The following ZNF709 variants were observed in gnomAD, a reference collection of about 807,000 sequenced individuals.
ZNF709 encodes zinc finger protein 709.
A neutral mutation model predicts 10.6 loss-of-function variants in ZNF709; 15 were observed. The ratio of observed to expected loss-of-function variants is 1.41; its 90% confidence interval spans 0.95 to 2.18. The LOEUF is 2.18. ZNF709 is among the 30% of genes most tolerant of loss of function. The probability of loss-of-function intolerance (pLI) is 0.00; values close to 1 mark genes in which losing one functional copy is unlikely to be tolerated. For missense variants in ZNF709, 589 were observed against 774.0 expected (o/e 0.76, Z 2.84); for synonymous variants, 194 against 238.8 (o/e 0.81, Z 1.73).
intron 1 of ZNF709, among the ~76,000 whole-genome samples, chr19:12,483,891 ACT>A (rs34578588): frequency 0.36 from 54,678 of 151,776 alleles, 11,873 homozygotes; most frequent in Non-Finnish European, 0.49. Context: ...CAAAAAGGAG[ACT>A]CAACCCAAAG....
intron 1 of ZNF709, among the ~76,000 whole-genome samples, chr19:12,471,347 T>C (rs891987536): frequency 2.6e-5 from 4 of 152,154 alleles, no homozygotes; most frequent in African/African-American, 9.7e-5. Context: ...AAACTCAGTG[T>C]CAACAAGATG....
At chr19:12,479,171 C>T (rs1599636042) in intron 1 of ZNF709, among the ~76,000 whole-genome samples, 1 of 152,034 alleles carries the variant, frequency 6.6e-6, no homozygotes, top group African/African-American at 2.4e-5. Context: ...GGAGTGGCAG[C>T]ACACACCTGT....
chr19:12,477,385 A>G (rs1418074626), intron 1 of ZNF709, among the ~76,000 whole-genome samples: 2 of 152,186 alleles, frequency 1.3e-5, no homozygotes, highest in East Asian at 3.8e-4. Context: ...TAAGTGCCAA[A>G]GATTTAATTT....
chr19:12,483,753 G>A (rs1022587755), intron 1 of ZNF709, among the ~76,000 whole-genome samples: 1 of 152,052 alleles, frequency 6.6e-6, no homozygotes, highest in African/African-American at 2.4e-5. Context: ...TGGCTGGGCT[G>A]TAGGTCTCCT....
At position 12,466,470 on chromosome 19, in the gene ZNF709, T is replaced by C. The variant is rs1970571677; in HGVS notation, c.180A>G (p.Arg60=). 6.2e-7 allele frequency: 1 copy of C among 1,613,906 alleles called. No homozygotes were observed. Among genetic ancestry groups the C allele is most frequent in the Admixed American group, 1.7e-5 (1 of 60,000 alleles). Residue 60 remains arginine (R), a synonymous_variant, in exon 3 of 4, where the codon AGA becomes AGG. Coordinates refer to ENST00000397732, the MANE Select transcript of ZNF709 (RefSeq NM_152601.4). ...TTGTAAGTACAACTCACCTTAGCTT[T>C]CTCCCCTGATTTTTGTGATCTTCAA... is the stretch of plus-strand genomic sequence containing the variant. The part of the protein sequence containing the change: ...KNIEDHKNQG[R]KLRSHMVERL...
Position 12,484,686 on chromosome 19 carries a change from C to A in ZNF709, c.-29G>T, listed in dbSNP as rs751920773. 43 of 1,613,780 alleles carry A rather than the reference C, an allele frequency of 2.7e-5. No homozygotes were observed. Among genetic ancestry groups the A allele is most frequent in the Non-Finnish European group, 3.6e-5 (42 of 1,179,932 alleles). ...CCAGACTCTGGGATGTCCTGGTGTTCTGTTTACCTCTCCCGCGGCCAGCAC... is the reference window on the plus strand; with the variant it reads ...CCAGACTCTGGGATGTCCTGGTGTTATGTTTACCTCTCCCGCGGCCAGCAC... On this transcript the variant is annotated 5_prime_UTR_variant, in exon 1 of 4. Coordinates refer to ENST00000397732, the MANE Select transcript of ZNF709 (RefSeq NM_152601.4).
At chr19:12,481,505 G>A (rs376182317) in intron 1 of ZNF709, among the ~76,000 whole-genome samples, 6 of 152,126 alleles carry the variant, frequency 3.9e-5, no homozygotes, top group South Asian at 4.1e-4. Context: ...CTCCCAAAGC[G>A]CTGAAATTAC....
At position 12,461,595 on chromosome 19, in the gene ZNF709, T is replaced by A. The variant is rs2144980671; in HGVS notation, c.*2401A>T. 1 of 152,280 alleles carries A rather than the reference T, an allele frequency of 6.6e-6. No homozygotes were observed. The highest frequency in any genetic ancestry group is 2.1e-4 in the South Asian group (1 of 4,834). The allele number at this position is 152,280 out of a possible 1,614,324, so 9.4% of individuals were successfully genotyped here. On this transcript the variant is annotated 3_prime_UTR_variant, in exon 4 of 4. Transcript: ENST00000397732. ...AACATGGTGTTTATTACATAAATAA[T>A]ACCTTGGATAAATTCAACCTAGAGA...
At chr19:12,484,571 G>T in intron 1 of ZNF709, 84 bp downstream of exon 1, 1 of 1,537,232 alleles carries the variant, frequency 6.5e-7, no homozygotes, top group Non-Finnish European at 8.8e-7. Flanking sequence ...CGGCGGGGAG[G>T]CCTGGGTCCC....
At chr19:12,469,884 A>AGG (rs1423129861) in intron 1 of ZNF709, among the ~76,000 whole-genome samples, 1 of 152,226 alleles carries the variant, frequency 6.6e-6, no homozygotes, top group Admixed American at 6.5e-5. Flanking sequence ...TCTTTCCCTC[A>AGG]GAAACCTAAC....
In ZNF709 at chr19:12,462,471, A is replaced by C. The variant is rs1970525551; in HGVS notation, c.*1525T>G. 6.6e-6 allele frequency: 1 copy of C among 152,240 alleles called. No homozygotes were observed. The highest frequency in any genetic ancestry group is 2.4e-5 in the African/African-American group (1 of 41,454). 9.4% of individuals were successfully genotyped at this position (152,240 alleles called of 1,614,324 possible). ...TCTCAGATCTCTCTTATTAATACAA[A>C]GTCTATTATTCAAATCACAGCCAGA... On this transcript the variant is annotated 3_prime_UTR_variant, in exon 4 of 4. Transcript: ENST00000397732.
chr19:12,473,130 A>C (rs1970648245), intron 1 of ZNF709, among the ~76,000 whole-genome samples: 1 of 152,240 alleles, frequency 6.6e-6, no homozygotes. Context: ...ATTTTTCTCC[A>C]ACATCCAGAG....
Position 12,472,995 on chromosome 19 carries a change from C to T in ZNF709, c.4-6145G>A, listed in dbSNP as rs572631142. Among the ~76,000 whole-genome samples, 6 of 152,330 alleles carry T rather than the reference C, an allele frequency of 3.9e-5. No individual in the cohort carries two copies. In the South Asian group the frequency reaches 1.2e-3, roughly 32 times the overall value. ...AGGACAAAAATCAGTCAATTAGCTACTCCCAAGTATTGATGACCACTGCCA... is the reference window on the plus strand; with the variant it reads ...AGGACAAAAATCAGTCAATTAGCTATTCCCAAGTATTGATGACCACTGCCA... On this transcript the variant is annotated intron_variant, in intron 1 of 3. Coordinates refer to ENST00000397732, the MANE Select transcript of ZNF709 (RefSeq NM_152601.4).
chr19:12,463,752 C>T lies in ZNF709; in HGVS notation c.*244G>A, dbSNP rs1334128932. 4 of 310,484 alleles carry T rather than the reference C, an allele frequency of 1.3e-5. No individual in the cohort carries two copies. The highest frequency in any genetic ancestry group is 2.3e-5 in the Non-Finnish European group (4 of 172,154). The allele number at this position is 310,484 out of a possible 1,614,324, so 19.2% of individuals were successfully genotyped here. On this transcript the variant is annotated 3_prime_UTR_variant, in exon 4 of 4. Coordinates refer to ENST00000397732, the MANE Select transcript of ZNF709 (RefSeq NM_152601.4). Reference sequence around the variant, plus strand: ...GACCAGCCTGGCCAACATGGCGAAACCCCATCTCTACTAAAAATACAAAAA... The same window carrying T: ...GACCAGCCTGGCCAACATGGCGAAATCCCATCTCTACTAAAAATACAAAAA...
intron 1 of ZNF709, chr19:12,481,234 C>CTT: frequency 1.0e-6 from 1 of 964,232 alleles, no homozygotes; most frequent in Non-Finnish European, 1.2e-6. Context: ...CCAGAGTTTT[C>CTT]TTTTTTTTTG....
At chr19:12,468,007 C>T (rs1466337260) in intron 1 of ZNF709, among the ~76,000 whole-genome samples, 24 of 151,066 alleles carry the variant, frequency 1.6e-4, no homozygotes, top group African/African-American at 5.6e-4. Flanking sequence ...GGCCAGCCGC[C>T]CCGTCCGGGA....
Position 12,465,253 on chromosome 19 carries a change from G to A in ZNF709, c.669C>T (p.Pro223=). The A allele has an allele frequency of 6.2e-7, 1 of 1,612,888 alleles. No individual in the cohort carries two copies. The highest frequency in any genetic ancestry group is 8.5e-7 in the Non-Finnish European group (1 of 1,179,484). The part of the protein sequence containing the change: ...GHMRMHTGEK[P]YKCKECGKTF... ...TTTTCCCGCATTCTTTACATTTATA[G>A]GGTTTCTCCCCTGTGTGCATTCTCA... Residue 223 remains proline (P), a synonymous_variant, in exon 4 of 4, where the codon CCC becomes CCT. Coordinates refer to ENST00000397732, the MANE Select transcript of ZNF709 (RefSeq NM_152601.4).
rs1332855283 is a variant in ZNF709 at position 12,465,302 on chromosome 19, T to C, written c.620A>G (p.Tyr207Cys). 6.2e-7 allele frequency: 1 copy of C among 1,611,266 alleles called. No homozygotes were observed. Among genetic ancestry groups the C allele is most frequent in the Non-Finnish European group, 8.5e-7 (1 of 1,179,076 alleles). Residue 207 changes from tyrosine (Y) to cysteine (C), a missense_variant, in exon 4 of 4, where the codon TAT becomes TGT. Transcript: ENST00000397732. ...CATGTGTCCTCGAAAGGTTGTGTGATAAATGAAGGCCTTCCCACATTCCTT... is the reference window on the plus strand; with the variant it reads ...CATGTGTCCTCGAAAGGTTGTGTGACAAATGAAGGCCTTCCCACATTCCTT... ...ECKECGKAFI[Y>C]HTTFRGHMRM... is the part of the protein sequence containing the mutation.
At chr19:12,468,847 T>C (rs1402120164) in intron 1 of ZNF709, among the ~76,000 whole-genome samples, 1 of 143,732 alleles carries the variant, frequency 7.0e-6, no homozygotes, top group African/African-American at 2.7e-5. Flanking sequence ...CTGTACGAGA[T>C]TTTTTTTTTT....
Sources: allele counts gnomAD v4.1 joint callset (sites outside exome capture counted in the v4.1 genomes callset), GRCh38; gene constraint gnomAD v4.1.1; transcripts MANE v1.5; gene names NCBI Gene and HGNC (gene_info 2026-07-23, HGNC 2026-07-21).